Variants in DOK5 observed in about 807,000 individuals in gnomAD.
The protein encoded by DOK5 is docking protein 5.
DOK5 carries 27 observed loss-of-function variants against 43.3 expected under a neutral mutation model. The ratio of observed to expected loss-of-function variants is 0.62; its 90% CI spans 0.46 to 0.86. The LOEUF (loss-of-function observed/expected upper bound fraction) is 0.86. DOK5 is among the 40% of genes least tolerant of loss of function. DOK5 has a pLI of 0.00. For synonymous variants in DOK5, 146 were observed against 140.1 expected, an observed-to-expected ratio of 1.04 and a Z score of -0.30; for missense variants, 373 against 392.9, an observed-to-expected ratio of 0.95 and a Z score of 0.43.
At chr20:54,496,576 G>A (rs1982401268) in intron 1 of DOK5, among the ~76,000 whole-genome samples, 1 of 151,954 alleles carries the variant, frequency 6.6e-6, no homozygotes, top group African/African-American at 2.4e-5. Context: ...GACCATCCTG[G>A]CCAACACGGT....
intron 6 of DOK5, among the ~76,000 whole-genome samples, chr20:54,612,427 C>G (rs1021624573): frequency 6.6e-6 from 1 of 152,086 alleles, no homozygotes; most frequent in South Asian, 2.1e-4. Context: ...CACAGGGTGC[C>G]TAGATATTTG....
At chr20:54,497,880 T>C (rs1568755050) in intron 1 of DOK5, among the ~76,000 whole-genome samples, 1 of 152,206 alleles carries the variant, frequency 6.6e-6, no homozygotes, top group Non-Finnish European at 1.5e-5. Context: ...TCTTACCTTT[T>C]GTAATACAAT....
chr20:54,496,765 CA>C (rs74179280), intron 1 of DOK5, among the ~76,000 whole-genome samples: 5,202 of 59,488 alleles, frequency 0.087, 317 homozygotes, highest in African/African-American at 0.23. Context: ...GACTCCGTCT[CA>C]AAAAAAAAAA....
intron 6 of DOK5, among the ~76,000 whole-genome samples, chr20:54,641,607 T>G (rs1979122317): frequency 6.6e-6 from 1 of 152,046 alleles, no homozygotes; most frequent in African/African-American, 2.4e-5. Flanking sequence ...CCCCTTTACC[T>G]ATTTGTTACT....
intron 1 of DOK5, among the ~76,000 whole-genome samples, chr20:54,503,524 A>ATAT (rs1333694332): frequency 6.6e-6 from 1 of 152,106 alleles, no homozygotes; most frequent in Non-Finnish European, 1.5e-5. Context: ...TCCTCTTCAC[A>ATAT]GTCTTTGTCA....
chr20:54,617,411 G>C (rs892948373), intron 6 of DOK5, among the ~76,000 whole-genome samples: 4 of 151,832 alleles, frequency 2.6e-5, no homozygotes, highest in Non-Finnish European at 5.9e-5. Flanking sequence ...GCTCACTGCA[G>C]CCTCGACCTC....
At position 54,492,262 on chromosome 20, in the gene DOK5, A is replaced by G. The variant is rs564367096; in HGVS notation, c.66+16250A>G. Among the ~76,000 whole-genome samples, 9 of 152,310 alleles carry G rather than the reference A, an allele frequency of 5.9e-5. No individual in the cohort carries two copies. The East Asian group carries it at 1.7e-3, about 29-fold the overall frequency. On this transcript the variant is annotated intron_variant, in intron 1 of 7. Coordinates refer to ENST00000262593, the MANE Select transcript of DOK5 (RefSeq NM_018431.5). ...GTATATTAGTACAGAGACGTTTATT[A>G]GAGGCAAGCATAAAAGTGCGTGTAC...
chr20:54,512,054 G>A (rs1185268477), intron 1 of DOK5, among the ~76,000 whole-genome samples: 8 of 152,112 alleles, frequency 5.3e-5, no homozygotes, highest in Non-Finnish European at 1.5e-5. Flanking sequence ...AGCAGAGGTG[G>A]CTTCACCAAG....
intron 1 of DOK5, among the ~76,000 whole-genome samples, chr20:54,526,535 C>T (rs1983581444): frequency 6.6e-6 from 1 of 152,172 alleles, no homozygotes; most frequent in African/African-American, 2.4e-5. Context: ...AACTTTCTTG[C>T]TGCAGACTCT....
chr20:54,628,726 C>T (rs955878164), intron 6 of DOK5, among the ~76,000 whole-genome samples: 1 of 152,078 alleles, frequency 6.6e-6, no homozygotes, highest in Non-Finnish European at 1.5e-5. Flanking sequence ...AGAACGAGCC[C>T]CCCAAAATGC....
intron 5 of DOK5, among the ~76,000 whole-genome samples, chr20:54,596,613 T>G (rs866454697): frequency 1.3e-5 from 2 of 152,322 alleles, no homozygotes; most frequent in Middle Eastern, 6.8e-3. Context: ...TCACCGAGCT[T>G]TTTTTCATTG....
chr20:54,512,061 C>A (rs568819773), intron 1 of DOK5, among the ~76,000 whole-genome samples: 2 of 152,190 alleles, frequency 1.3e-5, no homozygotes, highest in East Asian at 1.9e-4. Context: ...GTGGCTTCAC[C>A]AAGGAAATGT....
rs570114561 is a variant in DOK5, at chr20:54,545,891, C to A, written c.67-9042C>A. On this transcript the variant is annotated intron_variant, in intron 1 of 7. Coordinates refer to ENST00000262593, the MANE Select transcript of DOK5 (RefSeq NM_018431.5). ...TGAAATAGATTATCTATAAAGTAGT[C>A]GTCCAGATGAAACAGCATATGGCTA... is the stretch of plus-strand genomic sequence containing the variant. Among the ~76,000 whole-genome samples the A allele has an allele frequency of 4.2e-4, 64 of 152,260 alleles. 1 individual carries two copies. In the South Asian group the frequency reaches 0.013, roughly 32 times the overall value.
At chr20:54,532,116 G>A (rs1005571287) in intron 1 of DOK5, among the ~76,000 whole-genome samples, 3 of 152,164 alleles carry the variant, frequency 2.0e-5, no homozygotes, top group South Asian at 2.1e-4. Context: ...TCTAGTAAGA[G>A]CATCTCTCAT....
At chr20:54,575,376 A>C (rs977671131) in intron 2 of DOK5, among the ~76,000 whole-genome samples, 1 of 152,202 alleles carries the variant, frequency 6.6e-6, no homozygotes, top group Non-Finnish European at 1.5e-5. Flanking sequence ...AGTTAAGTAT[A>C]TGAGGAACTA....
At chr20:54,522,275 G>A (rs1371672569) in intron 1 of DOK5, among the ~76,000 whole-genome samples, 2 of 152,110 alleles carry the variant, frequency 1.3e-5, no homozygotes, top group Non-Finnish European at 2.9e-5. Context: ...TGTGTTGGGC[G>A]GCATTTAAAG....
At chr20:54,552,870 T>C (rs1488993586) in intron 1 of DOK5, among the ~76,000 whole-genome samples, 1 of 152,200 alleles carries the variant, frequency 6.6e-6, no homozygotes, top group Non-Finnish European at 1.5e-5. Flanking sequence ...ATGGAATATA[T>C]AAACATTGCA....
chr20:54,549,547 A>T (rs932981200), intron 1 of DOK5, among the ~76,000 whole-genome samples: 6 of 152,230 alleles, frequency 3.9e-5, no homozygotes, highest in Non-Finnish European at 5.9e-5. Flanking sequence ...ATGAGAAAAA[A>T]GTCCCCTAGA....
intron 5 of DOK5, among the ~76,000 whole-genome samples, chr20:54,598,914 T>C (rs1278699892): frequency 6.6e-6 from 1 of 152,212 alleles, no homozygotes; most frequent in Non-Finnish European, 1.5e-5. Flanking sequence ...CCAGCCTAAT[T>C]GGTGAAATAA....
Sources: gnomAD v4.1 joint callset for allele counts (sites outside exome capture counted in the v4.1 genomes callset) on GRCh38, gnomAD v4.1.1 for gene constraint, MANE v1.5 for transcripts, NCBI Gene and HGNC (gene_info 2026-07-23, HGNC 2026-07-21) for gene names.